MTHFD2L: variants seen among roughly 807,000 people sequenced by gnomAD.
The protein encoded by MTHFD2L is bifunctional methylenetetrahydrofolate dehydrogenase/cyclohydrolase 2, mitochondrial.
Under a neutral mutation model 34.9 loss-of-function variants are expected in MTHFD2L, and 29 were observed. The ratio of observed to expected loss-of-function variants is 0.83; its 90% CI spans 0.62 to 1.13. The LOEUF (loss-of-function observed/expected upper bound fraction) is 1.13, where lower values mean the gene tolerates loss of function less well. Ranked by LOEUF, MTHFD2L falls within the 50% of genes most tolerant of loss-of-function variation. MTHFD2L has a pLI of 0.00. For synonymous variants in MTHFD2L, 167 were observed against 155.7 expected (o/e 1.07, Z -0.54); for missense variants, 481 against 446.5 (o/e 1.08, Z -0.70).
chr4:74,295,695 A>G (rs1022025818), intron 7 of MTHFD2L, among the ~76,000 whole-genome samples: 26 of 152,130 alleles, frequency 1.7e-4, no homozygotes, highest in African/African-American at 6.3e-4. Flanking sequence ...ATAACCAGAC[A>G]CTGCCTACCT....
chr4:74,231,964 G>A (rs1337166348), intron 6 of MTHFD2L, among the ~76,000 whole-genome samples: 1 of 152,116 alleles, frequency 6.6e-6, no homozygotes, highest in Non-Finnish European at 1.5e-5. Flanking sequence ...TCCATGTAAA[G>A]AGCATAGCAC....
At chr4:74,201,733 T>C (rs1734475060) in intron 5 of MTHFD2L, among the ~76,000 whole-genome samples, 1 of 152,094 alleles carries the variant, frequency 6.6e-6, no homozygotes. Flanking sequence ...CTTAGCACTT[T>C]AGAAATCAGC....
intron 1 of MTHFD2L, among the ~76,000 whole-genome samples, chr4:74,170,828 G>C (rs950427164): frequency 3.3e-5 from 5 of 151,888 alleles, no homozygotes; most frequent in African/African-American, 1.2e-4. Context: ...GTCCTTTGTA[G>C]GGACATGGAT....
chr4:74,132,014 G>T (rs780341982), intron 1 of MTHFD2L, among the ~76,000 whole-genome samples: 12 of 152,144 alleles, frequency 7.9e-5, no homozygotes, highest in Non-Finnish European at 7.4e-5. Context: ...GGTCATTAGA[G>T]AAATGCAAAT....
chr4:74,290,889 C>G (rs984411456), intron 7 of MTHFD2L, among the ~76,000 whole-genome samples: 6 of 151,452 alleles, frequency 4.0e-5, no homozygotes, highest in Non-Finnish European at 7.4e-5. Context: ...TTTAATTTGC[C>G]TTACTCATTT....
At chr4:74,214,017 T>G (rs549244104) in intron 5 of MTHFD2L, among the ~76,000 whole-genome samples, 1 of 151,940 alleles carries the variant, frequency 6.6e-6, no homozygotes, top group African/African-American at 2.4e-5. Flanking sequence ...GATTCTTGTG[T>G]ATGGTTCACA....
At chr4:74,194,752 A>G (rs1289161727) in intron 3 of MTHFD2L, 1 of 152,246 alleles carries the variant, frequency 6.6e-6, no homozygotes, top group Non-Finnish European at 1.5e-5. Flanking sequence ...AATCAAGTGT[A>G]GCCAGCTGCT....
At chr4:74,174,923 G>A (rs1199097206) in intron 2 of MTHFD2L, among the ~76,000 whole-genome samples, 1 of 152,108 alleles carries the variant, frequency 6.6e-6, no homozygotes, top group Admixed American at 6.6e-5. Context: ...GCAAAGGATA[G>A]TTTGCATCTA....
intron 1 of MTHFD2L, among the ~76,000 whole-genome samples, chr4:74,141,208 G>C (rs543970601): frequency 3.3e-5 from 5 of 152,254 alleles, no homozygotes; most frequent in African/African-American, 1.2e-4. Context: ...TTTTCAAGAA[G>C]GCCAAAGTTG....
chr4:74,228,690 G>A (rs1034171608), intron 6 of MTHFD2L, among the ~76,000 whole-genome samples: 4 of 152,102 alleles, frequency 2.6e-5, no homozygotes, highest in Non-Finnish European at 5.9e-5. Context: ...CTTTGTAAAG[G>A]CCTAAATCAG....
intron 7 of MTHFD2L, among the ~76,000 whole-genome samples, chr4:74,288,112 C>T (rs923634574): frequency 6.6e-6 from 1 of 152,166 alleles, no homozygotes; most frequent in African/African-American, 2.4e-5. Context: ...CTAATAACCT[C>T]ATTTTAACTT....
chr4:74,153,447 A>C (rs1227525224), upstream of MTHFD2L, among the ~76,000 whole-genome samples: 6 of 152,204 alleles, frequency 3.9e-5, no homozygotes, highest in Admixed American at 2.0e-4. Flanking sequence ...TGGAACACTT[A>C]AAATAATCAT....
At chr4:74,250,231 T>G (rs1578615832) in intron 6 of MTHFD2L, among the ~76,000 whole-genome samples, 1 of 152,310 alleles carries the variant, frequency 6.6e-6, no homozygotes, top group South Asian at 2.1e-4. Flanking sequence ...TTTCAATAAT[T>G]TTTAAGAACA....
chr4:74,186,592 A>G (rs981780894), intron 3 of MTHFD2L, among the ~76,000 whole-genome samples: 1 of 152,090 alleles, frequency 6.6e-6, no homozygotes. Context: ...TAGCATCAAA[A>G]ATATGAAATC....
At chr4:74,158,972 T>C (rs1319931513) in intron 1 of MTHFD2L, among the ~76,000 whole-genome samples, 1 of 152,222 alleles carries the variant, frequency 6.6e-6, no homozygotes, top group Non-Finnish European at 1.5e-5. Context: ...GACCCAGAGC[T>C]TGTGAGTCCA....
intron 2 of MTHFD2L, among the ~76,000 whole-genome samples, chr4:74,115,402 C>T (rs192757061): frequency 8.5e-5 from 13 of 152,314 alleles, no homozygotes; most frequent in Non-Finnish European, 1.2e-4. Flanking sequence ...GTTCTTCTGT[C>T]GCCATAGTTG....
intron 5 of MTHFD2L, 77 bp downstream of exon 5, chr4:74,201,447 A>G: frequency 9.7e-7 from 1 of 1,027,586 alleles, no homozygotes; most frequent in Non-Finnish European, 1.5e-6. Context: ...CACTTTTGAT[A>G]ATGCAGCTTA....
At position 74,251,505 on chromosome 4, in the gene MTHFD2L, T is replaced by C. The variant is rs1185885027; in HGVS notation, c.805+26111T>C. On this transcript the variant is annotated intron_variant, in intron 6 of 7. Coordinates refer to ENST00000325278, the MANE Select transcript of MTHFD2L (RefSeq NM_001144978.3). ...TTTAGCTTCCTAAATCTTTCCAAGT[T>C]TATTGGAAATCCCTGCTTTGTTGTG... Among the ~76,000 whole-genome samples the C allele has an allele frequency of 2.1e-4, 32 of 152,216 alleles. 1 individual carries two copies. The highest frequency in any genetic ancestry group is 2.1e-3 in the Admixed American group (32 of 15,280).
chr4:74,187,984 GATAA>G (rs1345431558), intron 3 of MTHFD2L, among the ~76,000 whole-genome samples: 4 of 152,078 alleles, frequency 2.6e-5, no homozygotes, highest in Non-Finnish European at 5.9e-5. Context: ...CAGGTCAATG[GATAA>G]ATAAACTGTG....
Sources: allele counts gnomAD v4.1 joint callset (sites outside exome capture counted in the v4.1 genomes callset), GRCh38; gene constraint gnomAD v4.1.1; transcripts MANE v1.5; gene names NCBI Gene and HGNC (gene_info 2026-07-23, HGNC 2026-07-21).